RIT2: variants seen among roughly 807,000 people sequenced by gnomAD.
The protein encoded by RIT2 is Ras like without CAAX 2.
In RIT2, 24 loss-of-function variants were observed where a neutral mutation model predicts 23.7. That is an observed-to-expected ratio of 1.01 (90% CI 0.73 to 1.43). RIT2 has a LOEUF of 1.43. Among genes scored for constraint, RIT2 ranks in the 40% most tolerant of loss-of-function variants. The probability of loss-of-function intolerance (pLI) is 0.00; values close to 1 mark genes in which losing one functional copy is unlikely to be tolerated. For missense variants in RIT2, 236 were observed against 266.9 expected (o/e 0.88, Z 0.81); for synonymous variants, 107 against 91.1 (o/e 1.17, Z -0.99).
At chr18:42,752,316 T>G (rs1198427658) in intron 4 of RIT2, among the ~76,000 whole-genome samples, 3 of 152,194 alleles carry the variant, frequency 2.0e-5, no homozygotes, top group Non-Finnish European at 2.9e-5. Context: ...TATCTGAATT[T>G]TAAGTAAAAT....
chr18:42,796,369 G>A (rs1049422274), intron 4 of RIT2, among the ~76,000 whole-genome samples: 1 of 151,984 alleles, frequency 6.6e-6, no homozygotes, highest in East Asian at 1.9e-4. Flanking sequence ...ACATCAGAAG[G>A]AACAAACTCC....
intron 4 of RIT2, among the ~76,000 whole-genome samples, chr18:42,790,924 A>G (rs1215327791): frequency 6.6e-6 from 1 of 152,194 alleles, no homozygotes; most frequent in African/African-American, 2.4e-5. Context: ...TAGCAAGAAC[A>G]GAGACAACGC....
chr18:43,111,393 G>T (rs989337844), intron 1 of RIT2, among the ~76,000 whole-genome samples: 1 of 151,834 alleles, frequency 6.6e-6, no homozygotes, highest in African/African-American at 2.4e-5. Flanking sequence ...GCACAACAGG[G>T]TCATTATCAT....
chr18:43,006,125 G>A (rs980338183), intron 2 of RIT2, among the ~76,000 whole-genome samples: 2 of 151,700 alleles, frequency 1.3e-5, no homozygotes, highest in African/African-American at 2.4e-5. Flanking sequence ...GGAAGAGAAC[G>A]AAGAGAAAAG....
chr18:43,008,733 A>T (rs534402696), intron 2 of RIT2, among the ~76,000 whole-genome samples: 1 of 151,742 alleles, frequency 6.6e-6, no homozygotes, highest in South Asian at 2.1e-4. Context: ...TACTTGGGAT[A>T]GCTTAGTATA....
At chr18:42,777,794 G>A (rs976940378) in intron 4 of RIT2, among the ~76,000 whole-genome samples, 1 of 152,252 alleles carries the variant, frequency 6.6e-6, no homozygotes, top group East Asian at 1.9e-4. Context: ...TCTCCTAAAA[G>A]CATATGTTTA....
intron 4 of RIT2, among the ~76,000 whole-genome samples, chr18:42,744,692 A>G (rs1246279966): frequency 6.6e-6 from 1 of 152,214 alleles, no homozygotes; most frequent in African/African-American, 2.4e-5. Flanking sequence ...TTAAAGCTCT[A>G]TAAATGTTAG....
intron 4 of RIT2, among the ~76,000 whole-genome samples, chr18:42,852,829 C>T (rs977992466): frequency 3.5e-5 from 4 of 115,446 alleles, no homozygotes; most frequent in Non-Finnish European, 6.5e-5. Flanking sequence ...TCCTTCCTTC[C>T]TTTCTTTCTT....
chr18:42,769,311 G>T (rs1330752589), intron 4 of RIT2, among the ~76,000 whole-genome samples: 1 of 151,986 alleles, frequency 6.6e-6, no homozygotes, highest in Non-Finnish European at 1.5e-5. Flanking sequence ...TTGGTATTCT[G>T]TAAAGACTGA....
chr18:42,861,584 G>T (rs114049886), intron 4 of RIT2, among the ~76,000 whole-genome samples: 8 of 152,296 alleles, frequency 5.3e-5, no homozygotes, highest in African/African-American at 1.9e-4. Flanking sequence ...TCACATGACA[G>T]CATAGACTAA....
intron 2 of RIT2, among the ~76,000 whole-genome samples, chr18:43,028,135 T>C (rs977412548): frequency 4.6e-5 from 7 of 152,094 alleles, no homozygotes; most frequent in Non-Finnish European, 1.0e-4. Flanking sequence ...AAACAAGCTG[T>C]GTGCTGATAT....
intron 2 of RIT2, among the ~76,000 whole-genome samples, chr18:43,029,812 A>T (rs1228513563): frequency 6.6e-6 from 1 of 152,044 alleles, no homozygotes; most frequent in Non-Finnish European, 1.5e-5. Flanking sequence ...TGGCATTAGC[A>T]CAATGTTTTT....
At chr18:42,744,025 G>A (rs1450784551) in intron 4 of RIT2, among the ~76,000 whole-genome samples, 1 of 152,072 alleles carries the variant, frequency 6.6e-6, no homozygotes, top group African/African-American at 2.4e-5. Flanking sequence ...CTTGCCTTAA[G>A]TGATGACATT....
intron 1 of RIT2, among the ~76,000 whole-genome samples, chr18:43,043,381 G>A (rs2144296912): frequency 6.6e-6 from 1 of 152,154 alleles, no homozygotes; most frequent in Middle Eastern, 3.4e-3. Flanking sequence ...CACCACGTGG[G>A]CCATTGATAT....
chr18:43,060,427 G>A (rs1912617159), intron 1 of RIT2, among the ~76,000 whole-genome samples: 1 of 152,078 alleles, frequency 6.6e-6, no homozygotes, highest in Non-Finnish European at 1.5e-5. Context: ...AATGACACCA[G>A]AATAATCCAG....
intron 1 of RIT2, among the ~76,000 whole-genome samples, chr18:43,090,443 A>T (rs1485765815): frequency 2.0e-5 from 3 of 152,040 alleles, no homozygotes; most frequent in African/African-American, 7.2e-5. Context: ...TAGTTCAGCC[A>T]TGTGGAAGAC....
At chr18:42,852,342 C>T (rs1480916183) in intron 4 of RIT2, among the ~76,000 whole-genome samples, 1 of 152,106 alleles carries the variant, frequency 6.6e-6, no homozygotes, top group Non-Finnish European at 1.5e-5. Context: ...GTAAGAAAGA[C>T]AATAATGAAT....
rs145327502 is a variant in RIT2 at position 42,977,651 on chromosome 18, CAAG to C, written c.161-3507_161-3505del. Among the ~76,000 whole-genome samples the C allele has an allele frequency of 1.4e-3, 211 of 151,740 alleles. 4 individuals are homozygous for C. The East Asian group carries it at 0.038, about 27-fold the overall frequency. On this transcript the variant is annotated intron_variant, in intron 2 of 4. Transcript: ENST00000326695. Reference sequence around the variant, plus strand: ...CACATACAATCATAGTCTTTACTCTCAAGGGGTTTGTAAAATAATGGTGGGAGA... The same window carrying C: ...CACATACAATCATAGTCTTTACTCTCGGGTTTGTAAAATAATGGTGGGAGA...
chr18:43,038,046 T>TAA (rs908286698), intron 1 of RIT2, among the ~76,000 whole-genome samples: 1 of 149,598 alleles, frequency 6.7e-6, no homozygotes, highest in African/African-American at 2.5e-5. Context: ...TTACTAAAAA[T>TAA]AAAAAAAAAT....
Sources: gnomAD v4.1 joint callset for allele counts (sites outside exome capture counted in the v4.1 genomes callset) on GRCh38, gnomAD v4.1.1 for gene constraint, MANE v1.5 for transcripts, NCBI Gene and HGNC (gene_info 2026-07-23, HGNC 2026-07-21) for gene names.